ROBO2: variants seen among roughly 807,000 people sequenced by gnomAD.
ROBO2 encodes the protein roundabout guidance receptor 2, also known as roundabout homolog 2.
ROBO2 carries 53 observed loss-of-function variants against 160.8 expected under a neutral mutation model. That is an observed-to-expected ratio of 0.33 (90% confidence interval 0.26 to 0.41). The LOEUF (loss-of-function observed/expected upper bound fraction) is 0.41, where lower values mean the gene tolerates loss of function less well. Ranked by LOEUF, ROBO2 falls within the 10% of genes least tolerant of loss-of-function variation. ROBO2 has a pLI of 1.00. For synonymous variants in ROBO2, 664 were observed against 611.7 expected (o/e 1.09, Z -1.26); for missense variants, 1,577 against 1,722.4 (o/e 0.92, Z 1.49).
intron 5 of ROBO2, among the ~76,000 whole-genome samples, chr3:77,508,238 A>G (rs916992951): frequency 3.3e-4 from 50 of 150,464 alleles, no homozygotes; most frequent in African/African-American, 1.2e-3. Flanking sequence ...TGTTGCAAAG[A>G]TATCTTTATA....
chr3:76,264,554 T>C (rs1339473888), intron 2 of ROBO2, among the ~76,000 whole-genome samples: 2 of 152,156 alleles, frequency 1.3e-5, no homozygotes, highest in Non-Finnish European at 2.9e-5. Context: ...AGTTAGACTT[T>C]TTGTCTAAGC....
At chr3:77,466,952 G>A (rs946569744) in intron 2 of ROBO2, among the ~76,000 whole-genome samples, 1 of 152,140 alleles carries the variant, frequency 6.6e-6, no homozygotes, top group Non-Finnish European at 1.5e-5. Flanking sequence ...GCAATAACAC[G>A]TTGATACCAG....
chr3:76,262,414 A>G (rs1706828447), intron 2 of ROBO2, among the ~76,000 whole-genome samples: 1 of 152,076 alleles, frequency 6.6e-6, no homozygotes, highest in Non-Finnish European at 1.5e-5. Context: ...TTCAAAGGAC[A>G]GAGGTAAAGT....
rs574874572 is a variant in ROBO2 at position 76,110,031 on chromosome 3, A to G, written c.109+172429A>G. 2.7e-3 allele frequency among the ~76,000 whole-genome samples: 406 copies of G among 151,070 alleles called. 3 individuals are homozygous for G. Among genetic ancestry groups the G allele is most frequent in the African/African-American group, 9.4e-3 (387 of 41,290 alleles). On this transcript the variant is annotated intron_variant, in intron 2 of 26. Coordinates refer to the ROBO2 transcript ENST00000487694. ...GACTAAGTAGTATTGTTATATATATATGTGTGTGTATATATATATATGAAT... is the reference window on the plus strand; with the variant it reads ...GACTAAGTAGTATTGTTATATATATGTGTGTGTGTATATATATATATGAAT...
intron 13 of ROBO2, among the ~76,000 whole-genome samples, chr3:77,568,747 A>T (rs1232144868): frequency 1.3e-5 from 2 of 151,996 alleles, no homozygotes; most frequent in Admixed American, 1.3e-4. Flanking sequence ...TTATCACCAA[A>T]ATCTAATTTT....
chr3:76,014,816 T>C (rs1384046066), intron 2 of ROBO2, among the ~76,000 whole-genome samples: 3 of 152,190 alleles, frequency 2.0e-5, no homozygotes, highest in Non-Finnish European at 4.4e-5. Flanking sequence ...TAGTCCCACC[T>C]ACCTGGGAGG....
At chr3:76,017,613 G>A (rs759524770) in intron 2 of ROBO2, among the ~76,000 whole-genome samples, 2 of 151,994 alleles carry the variant, frequency 1.3e-5, no homozygotes, top group African/African-American at 4.8e-5. Context: ...TAAGGCTAAG[G>A]TCCAAACACT....
intron 2 of ROBO2, among the ~76,000 whole-genome samples, chr3:76,381,918 C>T (rs962194974): frequency 6.6e-6 from 1 of 152,088 alleles, no homozygotes; most frequent in South Asian, 2.1e-4. Flanking sequence ...TAGTCTATGT[C>T]TCTAATTCAT....
chr3:77,138,547 G>T (rs1443330360), intron 2 of ROBO2, among the ~76,000 whole-genome samples: 1 of 152,152 alleles, frequency 6.6e-6, no homozygotes, highest in Non-Finnish European at 1.5e-5. Flanking sequence ...GACATCATGG[G>T]ATATGATAAG....
chr3:76,681,055 G>A (rs1237239085), intron 2 of ROBO2, among the ~76,000 whole-genome samples: 1 of 152,084 alleles, frequency 6.6e-6, no homozygotes, highest in East Asian at 1.9e-4. Flanking sequence ...GGGATTACAG[G>A]CATGAGCCAC....
intron 6 of ROBO2, among the ~76,000 whole-genome samples, chr3:77,528,784 T>G (rs2091403173): frequency 6.6e-6 from 1 of 151,714 alleles, no homozygotes; most frequent in Non-Finnish European, 1.5e-5. Context: ...GGTTCACAAT[T>G]AATTGAAACA....
intron 2 of ROBO2, among the ~76,000 whole-genome samples, chr3:76,152,694 T>C (rs915993518): frequency 3.3e-5 from 5 of 152,122 alleles, no homozygotes; most frequent in Middle Eastern, 3.2e-3. Context: ...ATTGTGTTAA[T>C]TAAGGAAGGT....
chr3:76,554,111 G>A (rs1436878463), intron 2 of ROBO2, among the ~76,000 whole-genome samples: 1 of 152,136 alleles, frequency 6.6e-6, no homozygotes, highest in East Asian at 1.9e-4. Flanking sequence ...ACACAGAGAG[G>A]CTAGTGAAAC....
chr3:77,183,986 T>A (rs2081048611), intron 2 of ROBO2, among the ~76,000 whole-genome samples: 1 of 152,076 alleles, frequency 6.6e-6, no homozygotes, highest in South Asian at 2.1e-4. Flanking sequence ...ATGAGCTTAG[T>A]ATCTTTTCCC....
intron 2 of ROBO2, among the ~76,000 whole-genome samples, chr3:76,249,260 G>T (rs1250330240): frequency 6.6e-6 from 1 of 152,014 alleles, no homozygotes; most frequent in East Asian, 1.9e-4. Context: ...CCTCAGAACT[G>T]GGAAGTCAAA....
At chr3:77,565,412 C>T (rs2153663946) in intron 12 of ROBO2, among the ~76,000 whole-genome samples, 1 of 152,134 alleles carries the variant, frequency 6.6e-6, no homozygotes, top group East Asian at 1.9e-4. Context: ...AAATGTTTCT[C>T]CTTCTTTAAA....
intron 14 of ROBO2, among the ~76,000 whole-genome samples, chr3:77,575,037 C>G (rs2093726063): frequency 6.6e-6 from 1 of 151,618 alleles, no homozygotes; most frequent in Admixed American, 6.6e-5. Context: ...TCATGAAAGA[C>G]AGACGACTGG....
intron 2 of ROBO2, among the ~76,000 whole-genome samples, chr3:76,244,640 G>C (rs1259413534): frequency 6.6e-6 from 1 of 152,166 alleles, no homozygotes; most frequent in Admixed American, 6.5e-5. Context: ...TTAATTCAGA[G>C]AAGCAGAATA....
chr3:76,666,012 C>T (rs1327285482), intron 2 of ROBO2, among the ~76,000 whole-genome samples: 8 of 115,784 alleles, frequency 6.9e-5, no homozygotes, highest in African/African-American at 9.1e-5. Context: ...ATAATATATA[C>T]ATATTATATA....
Sources: allele counts gnomAD v4.1 joint callset (sites outside exome capture counted in the v4.1 genomes callset), GRCh38; gene constraint gnomAD v4.1.1; transcripts MANE v1.5; gene names NCBI Gene and HGNC (gene_info 2026-07-23, HGNC 2026-07-21).